Variants in MCCC2 observed in about 807,000 individuals in gnomAD.
MCCC2 encodes methylcrotonyl-CoA carboxylase subunit 2.
A neutral mutation model predicts 77.2 loss-of-function variants in MCCC2; 52 were observed. That is an observed-to-expected ratio of 0.67 (90% CI 0.54 to 0.85). MCCC2 has a LOEUF of 0.85. Among genes scored for constraint, MCCC2 ranks in the 40% least tolerant of loss-of-function variants. MCCC2 has a pLI of 0.00. For synonymous variants in MCCC2, 253 were observed against 248.4 expected, an observed-to-expected ratio of 1.02 and a Z score of -0.18; for missense variants, 682 against 703.2, an observed-to-expected ratio of 0.97 and a Z score of 0.34.
intron 6 of MCCC2, among the ~76,000 whole-genome samples, chr5:71,605,940 GT>G (rs1408460815): frequency 6.6e-6 from 1 of 152,166 alleles, no homozygotes; most frequent in African/African-American, 2.4e-5. Flanking sequence ...CTATATCTCT[GT>G]TTTGGTACCA....
chr5:71,633,131 A>ATTTTTTTTTTTTTTTTTTT (rs1306338509), intron 8 of MCCC2, among the ~76,000 whole-genome samples: 3 of 78,094 alleles, frequency 3.8e-5, no homozygotes, highest in African/African-American at 5.1e-5. Context: ...ATATATATAT[A>ATTTTTTTTTTTTTTTTTTT]TTTTTATTTT....
intron 7 of MCCC2, 76 bp downstream of exon 7, chr5:71,626,829 A>G: frequency 7.5e-7 from 1 of 1,325,870 alleles, no homozygotes; most frequent in Non-Finnish European, 1.1e-6. Context: ...CTATTTTTTG[A>G]TGTTTTAAAA....
At chr5:71,621,204 G>GA (rs1746338326) in intron 6 of MCCC2, among the ~76,000 whole-genome samples, 1 of 150,756 alleles carries the variant, frequency 6.6e-6, no homozygotes, top group South Asian at 2.1e-4. Context: ...GAAAGAAGCA[G>GA]ATACAGGAAG....
In MCCC2 at chr5:71,657,857, A is replaced by G. The variant is rs1747626632; in HGVS notation, c.*997A>G. 1 of 152,170 alleles carries G rather than the reference A, an allele frequency of 6.6e-6. No individual in the cohort carries two copies. Among genetic ancestry groups the G allele is most frequent in the African/African-American group, 2.4e-5 (1 of 41,432 alleles). 9.4% of individuals were successfully genotyped at this position (152,170 alleles called of 1,614,324 possible). Reference sequence around the variant, plus strand: ...TTACTGCCTTGACGGTTCTTAACCCAGCTCTCCCCTGAGCTGCAGGCCTGC... The same window carrying G: ...TTACTGCCTTGACGGTTCTTAACCCGGCTCTCCCCTGAGCTGCAGGCCTGC... On this transcript the variant is annotated 3_prime_UTR_variant, in exon 17 of 17. Coordinates refer to ENST00000340941, the MANE Select transcript of MCCC2 (RefSeq NM_022132.5).
At position 71,657,228 on chromosome 5, in the gene MCCC2, T is replaced by C. The variant is rs769233664; in HGVS notation, c.*368T>C. On this transcript the variant is annotated 3_prime_UTR_variant, in exon 17 of 17. Coordinates refer to ENST00000340941, the MANE Select transcript of MCCC2 (RefSeq NM_022132.5). ...ATTTTCACTGAAATGATTGTTTTGC[T>C]GGTTATGCTTGGTGATATTTTAGCG... 85 of 242,840 alleles carry C rather than the reference T, an allele frequency of 3.5e-4. No individual in the cohort carries two copies. The highest frequency in any genetic ancestry group is 3.6e-4 in the South Asian group (7 of 19,488). 15.0% of individuals were successfully genotyped at this position (242,840 alleles called of 1,614,324 possible). A position where few individuals can be genotyped will look rare whatever the true frequency, so the allele number is the denominator to read the frequency against.
intron 2 of MCCC2, among the ~76,000 whole-genome samples, chr5:71,594,174 T>G (rs1353369968): frequency 6.6e-5 from 10 of 152,160 alleles, no homozygotes; most frequent in Admixed American, 6.5e-4. Context: ...ATAACTCAAT[T>G]GTTATGCCCA....
intron 7 of MCCC2, among the ~76,000 whole-genome samples, chr5:71,627,304 G>T (rs1746565546): frequency 6.6e-6 from 1 of 152,140 alleles, no homozygotes; most frequent in Admixed American, 6.5e-5. Context: ...TATGAACATG[G>T]GTGTACAAAT....
intron 1 of MCCC2, among the ~76,000 whole-genome samples, chr5:71,588,268 C>CAAAAAA (rs11309257): frequency 9.9e-6 from 1 of 100,682 alleles, no homozygotes. Flanking sequence ...AACTCTGTCT[C>CAAAAAA]AAAAAAAAAA....
At position 71,604,455 on chromosome 5, in the gene MCCC2, A is replaced by T; in HGVS notation, c.611A>T (p.Lys204Ile). The change falls in exon 6 of 17, where the codon AAA becomes ATA. Residue 204 changes from lysine to isoleucine, a missense_variant. Coordinates refer to ENST00000340941, the MANE Select transcript of MCCC2 (RefSeq NM_022132.5). ...TFYNQAIMSSKNIAQIAVVMG... is the reference protein window; with the variant it reads ...TFYNQAIMSSINIAQIAVVMG... Reference sequence around the variant, plus strand: ...TATAATCAGGCAATTATGTCTTCTAAAAATATTGCACAGGTAATTTTTCAT... The same window carrying T: ...TATAATCAGGCAATTATGTCTTCTATAAATATTGCACAGGTAATTTTTCAT... 6.2e-7 allele frequency: 1 copy of T among 1,613,446 alleles called. No homozygotes were observed. Among genetic ancestry groups the T allele is most frequent in the Non-Finnish European group, 8.5e-7 (1 of 1,179,376 alleles).
Position 71,592,932 on chromosome 5 carries a change from T to A in MCCC2, c.136T>A (p.Tyr46Asn). 2 of 1,611,052 alleles carry A rather than the reference T, an allele frequency of 1.2e-6. No homozygotes were observed. The highest frequency in any genetic ancestry group is 1.7e-6 in the Non-Finnish European group (2 of 1,177,788). ...TCCTCTATTTCTGTTTTAGGAGAAC[T>A]ACAAGCAGATGAAAGCACTAGTAAA... is the stretch of plus-strand genomic sequence containing the variant. Reference protein sequence around the residue: ...DLGSALYQENYKQMKALVNQL... With the variant: ...DLGSALYQENNKQMKALVNQL... Residue 46 changes from tyrosine to asparagine, a missense_variant, in exon 2 of 17, where the codon TAC becomes AAC. Coordinates refer to ENST00000340941, the MANE Select transcript of MCCC2 (RefSeq NM_022132.5).
intron 3 of MCCC2, among the ~76,000 whole-genome samples, chr5:71,598,606 A>ATTTTTTT (rs34190236): frequency 1.7e-5 from 2 of 115,342 alleles, no homozygotes; most frequent in Non-Finnish European, 1.8e-5. Flanking sequence ...CGCCTGGCTA[A>ATTTTTTT]TTTTTTTTTT....
intron 3 of MCCC2, among the ~76,000 whole-genome samples, chr5:71,599,053 C>T (rs1358993197): frequency 6.6e-6 from 1 of 152,128 alleles, no homozygotes; most frequent in Non-Finnish European, 1.5e-5. Context: ...GCCACCCCAC[C>T]TACCTCCAAA....
intron 16 of MCCC2, among the ~76,000 whole-genome samples, chr5:71,656,528 T>G (rs1166813194): frequency 1.3e-5 from 2 of 152,220 alleles, no homozygotes; most frequent in African/African-American, 4.8e-5. Flanking sequence ...CATGACATTC[T>G]GTGGTGGCCT....
chr5:71,626,812 A>C, intron 7 of MCCC2, 59 bp downstream of exon 7: 1 of 1,388,112 alleles, frequency 7.2e-7, no homozygotes, highest in Non-Finnish European at 1.0e-6. Flanking sequence ...AAAATACACC[A>C]TTTAAACTAT....
chr5:71,608,959 C>T (rs1302643808), intron 6 of MCCC2, among the ~76,000 whole-genome samples: 1 of 152,072 alleles, frequency 6.6e-6, no homozygotes, highest in Non-Finnish European at 1.5e-5. Context: ...ATGGGCTTCC[C>T]TTTGAGGGTA....
intron 2 of MCCC2, among the ~76,000 whole-genome samples, chr5:71,595,268 T>A (rs1487352944): frequency 6.7e-6 from 1 of 148,372 alleles, no homozygotes; most frequent in Non-Finnish European, 1.5e-5. Context: ...GAGTGAGACC[T>A]CATCACAAAA....
chr5:71,635,103 C>G (rs375990094), intron 9 of MCCC2, 48 bp from the exon 10 acceptor site: 275 of 1,612,528 alleles, frequency 1.7e-4, no homozygotes, highest in Admixed American at 1.2e-4. Flanking sequence ...CTCACTGCAC[C>G]TTGAAATCAT....
intron 16 of MCCC2, among the ~76,000 whole-genome samples, chr5:71,653,557 A>G (rs546888203): frequency 5.3e-5 from 8 of 152,126 alleles, no homozygotes; most frequent in Non-Finnish European, 8.8e-5. Flanking sequence ...AGGGGAGAGA[A>G]AAGAAAATCA....
intron 16 of MCCC2, among the ~76,000 whole-genome samples, chr5:71,654,049 G>A (rs1177685854): frequency 6.6e-6 from 1 of 152,146 alleles, no homozygotes; most frequent in Non-Finnish European, 1.5e-5. Flanking sequence ...CCAGTTTGGA[G>A]TGCAGTGACG....
Sources: gnomAD v4.1 joint callset for allele counts (sites outside exome capture counted in the v4.1 genomes callset) on GRCh38, gnomAD v4.1.1 for gene constraint, MANE v1.5 for transcripts, NCBI Gene and HGNC (gene_info 2026-07-23, HGNC 2026-07-21) for gene names.